Variants in EZH1 observed in about 807,000 individuals in gnomAD.
EZH1 encodes the protein histone-lysine N-methyltransferase EZH1.
Under a neutral mutation model 100.5 loss-of-function variants are expected in EZH1, and 33 were observed. That is an observed-to-expected ratio of 0.33 (90% CI 0.25 to 0.44). The LOEUF (loss-of-function observed/expected upper bound fraction) is 0.44, where lower values mean the gene tolerates loss of function less well. Ranked by LOEUF, EZH1 falls within the 20% of genes least tolerant of loss-of-function variation. EZH1 has a pLI of 1.00. For missense variants in EZH1, 475 were observed against 928.4 expected, an observed-to-expected ratio of 0.51 and a Z score of 6.35; for synonymous variants, 272 against 313.8, an observed-to-expected ratio of 0.87 and a Z score of 1.41.
intron 7 of EZH1, among the ~76,000 whole-genome samples, 198 bp from the exon 8 acceptor site, chr17:42,719,405 G>A (rs1011892039): frequency 4.6e-5 from 7 of 152,198 alleles, no homozygotes; most frequent in African/African-American, 1.7e-4. Flanking sequence ...AAGGAAGTTA[G>A]AGTAGTCTAC....
chr17:42,720,784 C>T (rs910739783), intron 6 of EZH1, among the ~76,000 whole-genome samples: 4 of 152,116 alleles, frequency 2.6e-5, no homozygotes, highest in African/African-American at 9.7e-5. Flanking sequence ...CTCAGCCTCC[C>T]GAGTAGCTGA....
chr17:42,717,872 A>G (rs1162604168), intron 10 of EZH1, 104 bp downstream of exon 10: 4 of 1,005,444 alleles, frequency 4.0e-6, no homozygotes, highest in South Asian at 2.8e-5. Flanking sequence ...AGCAAAAGCC[A>G]TGTTTTATTT....
chr17:42,714,628 G>T, intron 10 of EZH1: 1 of 307,864 alleles, frequency 3.2e-6, no homozygotes, highest in African/African-American at 2.2e-5. Context: ...GGCACAAGCA[G>T]AGTCAGAAAG....
chr17:42,744,491 A>C (rs2054240564), intron 1 of EZH1, among the ~76,000 whole-genome samples: 2 of 152,030 alleles, frequency 1.3e-5, no homozygotes, highest in Admixed American at 6.6e-5. Flanking sequence ...GCTCCTTTAC[A>C]CTTTGTGCCT....
rs1480897993 is a variant in EZH1, at chr17:42,727,626, CA to C, written c.246+8del. 20 of 1,604,880 alleles carry C rather than the reference CA, an allele frequency of 1.2e-5. No homozygotes were observed. The highest frequency in any genetic ancestry group is 1.6e-5 in the Non-Finnish European group (19 of 1,175,360). ...GAGAGGAAGACTGAGCTTAAACTCC[CA>C]AAAGTACCTTTTTGAGAAAAGGGTG... is the stretch of plus-strand genomic sequence containing the variant. On this transcript the variant is annotated splice_region_variant and intron_variant, in intron 4 of 20. Coordinates refer to ENST00000428826, the MANE Select transcript of EZH1 (RefSeq NM_001991.5).
chr17:42,732,894 A>G (rs1039817095), intron 1 of EZH1, among the ~76,000 whole-genome samples: 2 of 151,886 alleles, frequency 1.3e-5, no homozygotes, highest in African/African-American at 4.8e-5. Flanking sequence ...GGCTAGAGTG[A>G]GCTACTGAGA....
chr17:42,735,962 G>A (rs1323359444), intron 1 of EZH1, among the ~76,000 whole-genome samples: 2 of 152,004 alleles, frequency 1.3e-5, no homozygotes, highest in African/African-American at 2.4e-5. Flanking sequence ...TCCAACCTGG[G>A]AGACAGCGAG....
At chr17:42,733,640 CAAAAA>C (rs1283971078) in intron 1 of EZH1, among the ~76,000 whole-genome samples, 1 of 48,284 alleles carries the variant, frequency 2.1e-5, no homozygotes. Flanking sequence ...GACTCCATCT[CAAAAA>C]AAAAAAAAAA....
chr17:42,716,193 G>A (rs1420448732), intron 10 of EZH1, among the ~76,000 whole-genome samples: 1 of 152,006 alleles, frequency 6.6e-6, no homozygotes, highest in African/African-American at 2.4e-5. Flanking sequence ...AATAGAATGG[G>A]TAATAGAGGA....
intron 5 of EZH1, among the ~76,000 whole-genome samples, chr17:42,723,966 C>T (rs1218107439): frequency 6.6e-6 from 1 of 152,158 alleles, no homozygotes; most frequent in African/African-American, 2.4e-5. Context: ...AGGGAGCAGA[C>T]AACCTGCTCA....
intron 13 of EZH1, 140 bp downstream of exon 13, chr17:42,709,706 A>C: frequency 1.4e-6 from 1 of 697,646 alleles, no homozygotes; most frequent in East Asian, 2.7e-5. Flanking sequence ...GCTGGCTCTC[A>C]GTCATGTGAT....
intron 6 of EZH1, among the ~76,000 whole-genome samples, chr17:42,722,145 T>A (rs2053719590): frequency 1.5e-5 from 1 of 68,226 alleles, no homozygotes; most frequent in East Asian, 4.0e-4. Flanking sequence ...CGAGACTCTG[T>A]CTCAAAAAAA....
intron 3 of EZH1, among the ~76,000 whole-genome samples, chr17:42,728,183 G>A (rs1226299023): frequency 3.6e-5 from 5 of 140,116 alleles, no homozygotes; most frequent in South Asian, 2.3e-4. Flanking sequence ...GTGCCATCTC[G>A]GCTCACTGCA....
chr17:42,713,562 T>G (rs557353739), intron 10 of EZH1, among the ~76,000 whole-genome samples, 173 bp from the exon 11 acceptor site: 3 of 152,318 alleles, frequency 2.0e-5, no homozygotes, highest in East Asian at 1.9e-4. Context: ...TTAACAAAAC[T>G]TACGTACTTT....
intron 12 of EZH1, among the ~76,000 whole-genome samples, chr17:42,710,758 A>G (rs575908667): frequency 3.5e-5 from 5 of 144,504 alleles, no homozygotes; most frequent in Non-Finnish European, 6.0e-5. Context: ...CAGCCTCCTG[A>G]GTACTAGGAC....
chr17:42,727,522 T>G (rs2053844236), intron 4 of EZH1, 113 bp downstream of exon 4: 3 of 1,288,270 alleles, frequency 2.3e-6, no homozygotes, highest in Non-Finnish European at 3.2e-6. Context: ...GGAATACTTG[T>G]GTGAGCCACC....
chr17:42,742,291 G>A (rs886876750), intron 1 of EZH1, among the ~76,000 whole-genome samples: 1 of 151,930 alleles, frequency 6.6e-6, no homozygotes, highest in Admixed American at 6.6e-5. Context: ...ATAGGTGTCC[G>A]CCACCACGTC....
chr17:42,723,368 C>T (rs1420755491), intron 5 of EZH1, among the ~76,000 whole-genome samples: 1 of 102,584 alleles, frequency 9.7e-6, no homozygotes, highest in Non-Finnish European at 1.9e-5. Flanking sequence ...AGTGAGACTC[C>T]GTCTCAAAAA....
At chr17:42,744,375 G>A (rs1019092130) in intron 1 of EZH1, among the ~76,000 whole-genome samples, 1 of 152,146 alleles carries the variant, frequency 6.6e-6, no homozygotes, top group Non-Finnish European at 1.5e-5. Context: ...CAAAAGTCTG[G>A]AGTGAAGGAG....
Sources: allele counts gnomAD v4.1 joint callset (sites outside exome capture counted in the v4.1 genomes callset), GRCh38; gene constraint gnomAD v4.1.1; transcripts MANE v1.5; gene names NCBI Gene and HGNC (gene_info 2026-07-23, HGNC 2026-07-21).